The following CASTOR2 variants were observed in gnomAD, a reference collection of about 807,000 sequenced individuals.
CASTOR2 encodes cytosolic arginine sensor for mTORC1 subunit 2.
Under a neutral mutation model 31.2 loss-of-function variants are expected in CASTOR2, and 8 were observed. The observed-to-expected ratio is 0.26, with a 90% CI of 0.15 to 0.46. The LOEUF (loss-of-function observed/expected upper bound fraction) is 0.46. CASTOR2 is among the 20% of genes least tolerant of loss of function. CASTOR2 has a pLI of 0.99. For missense variants in CASTOR2, 216 were observed against 382.1 expected (o/e 0.57, Z 3.62); for synonymous variants, 162 against 158.7 (o/e 1.02, Z -0.16).
At chr7:74,987,529 G>T (rs1395815776) in intron 1 of CASTOR2, among the ~76,000 whole-genome samples, 4 of 152,142 alleles carry the variant, frequency 2.6e-5, no homozygotes, top group African/African-American at 9.6e-5. Flanking sequence ...CCTTTCTCCC[G>T]CAGAGGGCAG....
At chr7:75,010,058 G>A (rs1323549946) in intron 2 of CASTOR2, among the ~76,000 whole-genome samples, 9 of 151,814 alleles carry the variant, frequency 5.9e-5, no homozygotes, top group Non-Finnish European at 1.2e-4. Context: ...GTGTACTGCT[G>A]TGCCTGGCTC....
chr7:74,996,079 C>T (rs1367718317), intron 1 of CASTOR2, among the ~76,000 whole-genome samples: 15 of 150,700 alleles, frequency 1.0e-4, no homozygotes, highest in Non-Finnish European at 2.1e-4. Context: ...GGGTGCTGAG[C>T]GTGGCAGAGG....
chr7:75,006,827 C>G (rs1313535524), intron 1 of CASTOR2, among the ~76,000 whole-genome samples: 4 of 152,096 alleles, frequency 2.6e-5, no homozygotes, highest in African/African-American at 9.7e-5. Flanking sequence ...TGCCTTCTGT[C>G]ATGATTGTGA....
At chr7:75,017,887 C>G (rs1584476734) in intron 3 of CASTOR2, 96 bp downstream of exon 3, 2 of 1,613,574 alleles carry the variant, frequency 1.2e-6, no homozygotes, top group African/African-American at 2.7e-5. Flanking sequence ...CCCTTCCACG[C>G]TATTCCAGGG....
intron 2 of CASTOR2, among the ~76,000 whole-genome samples, chr7:75,016,184 A>T (rs1406542770): frequency 6.6e-6 from 1 of 152,104 alleles, no homozygotes; most frequent in East Asian, 1.9e-4. Context: ...CTGGTGTTGT[A>T]TGAAGAGCCC....
intron 1 of CASTOR2, among the ~76,000 whole-genome samples, chr7:74,973,292 G>A (rs1448176758): frequency 6.8e-6 from 1 of 147,526 alleles, no homozygotes; most frequent in Non-Finnish European, 1.5e-5. Flanking sequence ...ACCACGTCAA[G>A]CACTCTCAAG....
rs1417713977 is a variant in CASTOR2 at position 75,027,796 on chromosome 7, C to G, written c.*3097C>G. ...AAGCTTGGTTTATCTTCTCGGCGTTCTGTGTGTAGCGTAGTCTTGGTTTGG... is the reference window on the plus strand; with the variant it reads ...AAGCTTGGTTTATCTTCTCGGCGTTGTGTGTGTAGCGTAGTCTTGGTTTGG... On this transcript the variant is annotated 3_prime_UTR_variant, in exon 9 of 9. Coordinates refer to ENST00000616305, the MANE Select transcript of CASTOR2 (RefSeq NM_001145064.3). 1.4e-5 allele frequency: 8 copies of G among 571,786 alleles called. No individual in the cohort carries two copies. The highest frequency in any genetic ancestry group is 1.2e-4 in the East Asian group (4 of 32,670). The allele number at this position is 571,786 out of a possible 1,614,324, so 35.4% of individuals were successfully genotyped here. A position where few individuals can be genotyped will look rare whatever the true frequency, so the allele number is the denominator to read the frequency against.
chr7:74,993,151 A>T, intron 1 of CASTOR2, among the ~76,000 whole-genome samples: 1 of 152,098 alleles, frequency 6.6e-6, no homozygotes, highest in East Asian at 1.9e-4. Flanking sequence ...ATGAGCAGAG[A>T]TCGCGTGACT....
At chr7:75,022,086 G>A (rs1246211374) in intron 7 of CASTOR2, 130 bp downstream of exon 7, 15 of 1,106,604 alleles carry the variant, frequency 1.4e-5, no homozygotes, top group Admixed American at 2.0e-5. Context: ...TGGGGAGCCT[G>A]AAATTTCTGT....
Position 75,027,583 on chromosome 7 carries a change from G to A in CASTOR2, c.*2884G>A. The A allele has an allele frequency of 5.5e-6, 1 of 182,162 alleles. No individual in the cohort carries two copies. Among genetic ancestry groups the A allele is most frequent in the South Asian group, 1.0e-4 (1 of 9,686 alleles). 11.3% of individuals were successfully genotyped at this position (182,162 alleles called of 1,614,324 possible). A position where few individuals can be genotyped will look rare whatever the true frequency, so the allele number is the denominator to read the frequency against. ...GCTCCTGGGGCTGCTCCTGGGGACT[G>A]GCCTCGTGTCATGGAGAAAAGCATG... On this transcript the variant is annotated 3_prime_UTR_variant, in exon 9 of 9. Coordinates refer to ENST00000616305, the MANE Select transcript of CASTOR2 (RefSeq NM_001145064.3).
At chr7:74,987,546 G>A (rs1163929731) in intron 1 of CASTOR2, among the ~76,000 whole-genome samples, 1 of 152,170 alleles carries the variant, frequency 6.6e-6, no homozygotes, top group African/African-American at 2.4e-5. Flanking sequence ...GCAGGGACAG[G>A]TGGCCCAAGG....
chr7:75,022,484 GACAGAGCAAAT>G, intron 7 of CASTOR2, among the ~76,000 whole-genome samples: 3 of 26,136 alleles, frequency 1.1e-4, no homozygotes, highest in Admixed American at 5.4e-4. Flanking sequence ...CAACCTGGGT[GACAGAGCAAAT>G]CTTTGCCTCT....
intron 2 of CASTOR2, among the ~76,000 whole-genome samples, chr7:75,012,969 T>C (rs1288622943): frequency 3.9e-5 from 6 of 152,186 alleles, no homozygotes; most frequent in Non-Finnish European, 7.3e-5. Flanking sequence ...TTTGTGTTTT[T>C]TTGTAGAGGA....
At chr7:75,003,372 G>A (rs1292400258) in intron 1 of CASTOR2, among the ~76,000 whole-genome samples, 2 of 151,772 alleles carry the variant, frequency 1.3e-5, no homozygotes, top group Admixed American at 1.3e-4. Context: ...GATTGCTTGA[G>A]CCCAGGAGGC....
intron 1 of CASTOR2, among the ~76,000 whole-genome samples, chr7:74,985,585 C>CAAAAAAAAAAA (rs782053038): frequency 3.0e-5 from 2 of 67,548 alleles, no homozygotes; most frequent in African/African-American, 1.3e-4. Flanking sequence ...CAGCCTGGCT[C>CAAAAAAAAAAA]AAAAAAAAAA....
chr7:75,011,457 G>A (rs1188260214), intron 2 of CASTOR2, among the ~76,000 whole-genome samples: 4 of 148,624 alleles, frequency 2.7e-5, no homozygotes, highest in African/African-American at 4.9e-5. Flanking sequence ...GTTTGAGGCC[G>A]GGCGCGGTGG....
intron 7 of CASTOR2, among the ~76,000 whole-genome samples, chr7:75,023,784 G>C (rs1805063030): frequency 6.6e-6 from 1 of 152,158 alleles, no homozygotes; most frequent in Non-Finnish European, 1.5e-5. Context: ...AGGACTTACT[G>C]TCACGAGAAC....
At chr7:75,011,501 G>A (rs1554439413) in intron 2 of CASTOR2, among the ~76,000 whole-genome samples, 4,110 of 151,092 alleles carry the variant, frequency 0.027, 92 homozygotes, top group African/African-American at 0.045. Flanking sequence ...TTGGGAGGCC[G>A]AGGTGGGTGG....
chr7:75,001,555 T>G (rs1804496289), intron 1 of CASTOR2, among the ~76,000 whole-genome samples: 1 of 152,216 alleles, frequency 6.6e-6, no homozygotes, highest in Admixed American at 6.5e-5. Flanking sequence ...GAATTAGAAC[T>G]GGAGACCTTA....
Sources: allele counts gnomAD v4.1 joint callset (sites outside exome capture counted in the v4.1 genomes callset), GRCh38; gene constraint gnomAD v4.1.1; transcripts MANE v1.5; gene names NCBI Gene and HGNC (gene_info 2026-07-23, HGNC 2026-07-21).